The following PROSER3 variants were observed in gnomAD, a reference collection of about 807,000 sequenced individuals.
PROSER3 encodes proline and serine rich 3.
A neutral mutation model predicts 50.2 loss-of-function variants in PROSER3; 33 were observed. That is an observed-to-expected ratio of 0.66 (90% CI 0.50 to 0.88). The LOEUF (loss-of-function observed/expected upper bound fraction) is 0.88. Among genes scored for constraint, PROSER3 ranks in the 40% least tolerant of loss-of-function variants. PROSER3 has a pLI of 0.00. For missense variants in PROSER3, 623 were observed against 612.7 expected (o/e 1.02, Z -0.18); for synonymous variants, 266 against 259.3 (o/e 1.03, Z -0.25).
At chr19:35,759,737 A>T in intron 2 of PROSER3, 52 bp from the exon 3 acceptor site, 1 of 1,478,166 alleles carries the variant, frequency 6.8e-7, no homozygotes, top group Non-Finnish European at 9.2e-7. Context: ...CCCTGCAGGG[A>T]TGACCCATGA....
At chr19:35,770,719 A>G (rs990702448), downstream of PROSER3, 1 of 151,918 alleles carries the variant, frequency 6.6e-6, no homozygotes, top group Non-Finnish European at 1.5e-5. Context: ...TACTAAAAAT[A>G]CAAAAATTGG....
intron 5 of PROSER3, 133 bp downstream of exon 5, chr19:35,762,489 G>A (rs1599749816): frequency 1.4e-6 from 1 of 739,544 alleles, no homozygotes; most frequent in East Asian, 3.0e-5. Flanking sequence ...TGAGAGGACT[G>A]CTTGAGGCCA....
At chr19:35,766,681 AGTTGGAGGGC>A in intron 7 of PROSER3, 77 bp from the exon 8 acceptor site, 1 of 910,342 alleles carries the variant, frequency 1.1e-6, no homozygotes, top group Non-Finnish European at 1.7e-6. Context: ...CCCCCTGCAC[AGTTGGAGGGC>A]GTGTGTGCAG....
In PROSER3 at chr19:35,768,145, C is replaced by G. The variant is rs915478558; in HGVS notation, c.1220-10C>G. 1 of 1,612,238 alleles carries G rather than the reference C, an allele frequency of 6.2e-7. No homozygotes were observed. Among genetic ancestry groups the G allele is most frequent in the African/African-American group, 1.3e-5 (1 of 75,012 alleles). ...GCCCCTTGGAGCTCATTCTTTTCTCCCCGGCCCAGACTCCGACGGCAGCGA... is the reference window on the plus strand; with the variant it reads ...GCCCCTTGGAGCTCATTCTTTTCTCGCCGGCCCAGACTCCGACGGCAGCGA... On this transcript the variant is annotated splice_polypyrimidine_tract_variant and intron_variant, in intron 9 of 10. Coordinates refer to ENST00000396908, the Ensembl canonical transcript of PROSER3.
At position 35,764,943 on chromosome 19, in the gene PROSER3, G is replaced by A. The variant is rs200265502; in HGVS notation, c.626+7G>A. 135 of 1,613,268 alleles carry A rather than the reference G, an allele frequency of 8.4e-5. No homozygotes were observed. The highest frequency in any genetic ancestry group is 6.8e-4 in the African/African-American group (51 of 75,026). On this transcript the variant is annotated splice_region_variant and intron_variant, in intron 6 of 10. Coordinates refer to ENST00000396908, the Ensembl canonical transcript of PROSER3. ...CCAGGCTGCTCAAACGCAGGTGCCCGCACCCCTGCCCCCATCACCCTTCCT... is the reference window on the plus strand; with the variant it reads ...CCAGGCTGCTCAAACGCAGGTGCCCACACCCCTGCCCCCATCACCCTTCCT...
At chr19:35,770,822 A>AG (rs36106840), downstream of PROSER3, 2 of 40,972 alleles carry the variant, frequency 4.9e-5, no homozygotes, top group African/African-American at 4.0e-4. Flanking sequence ...GTTGCAGTGG[A>AG]AAAAAAAAAA....
At chr19:35,768,014 C>T (rs1971223701) in exon 9 of PROSER3, 2 of 1,584,944 alleles carry the variant, frequency 1.3e-6, no homozygotes, top group Non-Finnish European at 1.7e-6. Flanking sequence ...TGACCACGCC[C>T]CCTCGGAGGC....
At chr19:35,760,972 C>G (rs1380574388) in intron 3 of PROSER3, among the ~76,000 whole-genome samples, 2 of 152,278 alleles carry the variant, frequency 1.3e-5, no homozygotes, top group African/African-American at 4.8e-5. Flanking sequence ...ATTTATTCCT[C>G]CCTCACCTGC....
rs1024762324 is a variant in PROSER3, at chr19:35,766,092, A to C, written c.770-676A>C. On this transcript the variant is annotated intron_variant, in intron 7 of 10. Transcript: ENST00000396908. Reference sequence around the variant, plus strand: ...TGAGAGTAGGGAACAGATTTGGAGGAGAGTAGAGAGACCAGGGAGGCTATT... The same window carrying C: ...TGAGAGTAGGGAACAGATTTGGAGGCGAGTAGAGAGACCAGGGAGGCTATT... 3.3e-5 allele frequency among the ~76,000 whole-genome samples: 5 copies of C among 152,030 alleles called. No homozygotes were observed. In the East Asian group the frequency reaches 7.7e-4, roughly 23 times the overall value.
intron 5 of PROSER3, 32 bp downstream of exon 5, chr19:35,762,388 G>GC (rs879632464): frequency 8.5e-6 from 13 of 1,537,976 alleles, no homozygotes; most frequent in Non-Finnish European, 1.2e-5. Flanking sequence ...TCCCTTGGGT[G>GC]CCTGAACTGA....
chr19:35,762,046 G>A lies in PROSER3; in HGVS notation c.339G>A (p.Gln113=), dbSNP rs1206685825. ...ATATAAACAGGTTCCGCCAGGCTCA[G>A]CCCACCAGTCGAGAGGAGCGCCAGC... Residue 113 remains glutamine, a synonymous_variant, in exon 4 of 11, where the codon CAG becomes CAA. Transcript: ENST00000396908. 3.7e-6 allele frequency: 6 copies of A among 1,610,154 alleles called. 1 individual carries two copies. In the Admixed American group the frequency reaches 8.4e-5, roughly 22 times the overall value.
At chr19:35,765,256 G>C in intron 7 of PROSER3, 80 bp downstream of exon 7, 2 of 1,451,272 alleles carry the variant, frequency 1.4e-6, no homozygotes, top group Non-Finnish European at 1.9e-6. Flanking sequence ...GGGACTTTGG[G>C]CCTCTCTGGG....
At chr19:35,764,040 G>A (rs548392682) in intron 5 of PROSER3, among the ~76,000 whole-genome samples, 53 of 151,346 alleles carry the variant, frequency 3.5e-4, no homozygotes, top group Middle Eastern at 3.4e-3. Context: ...TTCCTGCCTC[G>A]GCCTCCTAAA....
At chr19:35,769,618 C>T (rs1025000256), downstream of PROSER3, 12 of 152,502 alleles carry the variant, frequency 7.9e-5, no homozygotes, top group African/African-American at 2.6e-4. Flanking sequence ...CCCTCCCCAA[C>T]TTTCTTCGGC....
At chr19:35,761,733 G>A (rs1233507010) in intron 3 of PROSER3, among the ~76,000 whole-genome samples, 1 of 152,098 alleles carries the variant, frequency 6.6e-6, no homozygotes, top group South Asian at 2.1e-4. Flanking sequence ...GTGGTGGCAT[G>A]CACCTGTGTC....
exon 4 of PROSER3, chr19:35,762,077 G>C: frequency 6.2e-7 from 1 of 1,611,788 alleles, no homozygotes; most frequent in Non-Finnish European, 8.5e-7. Context: ...CCAGCCTGCA[G>C]GCCCAACCCC....
At chr19:35,759,273 G>T in intron 1 of PROSER3, 101 bp from the exon 2 acceptor site, 1 of 886,578 alleles carries the variant, frequency 1.1e-6, no homozygotes, top group Non-Finnish European at 1.7e-6. Flanking sequence ...GTCTCCTCCA[G>T]GAATCTATGG....
chr19:35,758,652 C>T lies in PROSER3; in HGVS notation c.11+426C>T, dbSNP rs376573343. The T allele has an allele frequency of 1.9e-4, 35 of 187,970 alleles. No homozygotes were observed. In the East Asian group the frequency reaches 2.2e-3, roughly 12 times the overall value. 11.6% of individuals were successfully genotyped at this position (187,970 alleles called of 1,614,324 possible). ...ATGGGAAATGCTCGGTGATATAATC[C>T]AGCCGCGGTTCTTTCTTTCTTTCTT... On this transcript the variant is annotated intron_variant, in intron 1 of 10. Transcript: ENST00000396908.
At chr19:35,761,032 G>A (rs1291741535) in intron 3 of PROSER3, among the ~76,000 whole-genome samples, 7 of 152,234 alleles carry the variant, frequency 4.6e-5, no homozygotes, top group African/African-American at 7.2e-5. Flanking sequence ...TAGTTGAGGT[G>A]TCAGGGACAC....
Sources: allele counts gnomAD v4.1 joint callset (sites outside exome capture counted in the v4.1 genomes callset), GRCh38; gene constraint gnomAD v4.1.1; transcripts MANE v1.5; gene names NCBI Gene and HGNC (gene_info 2026-07-23, HGNC 2026-07-21).